STK11: variants seen among roughly 807,000 people sequenced by gnomAD.
STK11 encodes the protein serine/threonine kinase 11, also known as serine/threonine-protein kinase STK11.
Under a neutral mutation model 47.3 loss-of-function variants are expected in STK11, and 8 were observed. That is an observed-to-expected ratio of 0.17 (90% CI 0.10 to 0.31). The LOEUF (loss-of-function observed/expected upper bound fraction) is 0.31, where lower values mean the gene tolerates loss of function less well. Among genes scored for constraint, STK11 ranks in the 10% least tolerant of loss-of-function variants. The pLI is 1.00. For missense variants in STK11, 475 were observed against 605.0 expected, an observed-to-expected ratio of 0.79 and a Z score of 2.25; for synonymous variants, 330 against 255.8, an observed-to-expected ratio of 1.29 and a Z score of -2.77.
chr19:1,208,607 CTTTTTTTTTTT>C (rs71174355), intron 1 of STK11, among the ~76,000 whole-genome samples: 3 of 37,778 alleles, frequency 7.9e-5, no homozygotes, highest in Non-Finnish European at 1.3e-4. Flanking sequence ...CGCGTGCGGC[CTTTTTTTTTTT>C]TTTTTTTTTT....
intron 1 of STK11, among the ~76,000 whole-genome samples, chr19:1,212,944 T>G (rs970884848): frequency 3.3e-5 from 5 of 151,002 alleles, no homozygotes; most frequent in African/African-American, 1.2e-4. Context: ...CCTCCCAAAG[T>G]GCTGGGATTA....
At chr19:1,226,357 A>G (rs1191122003) in intron 8 of STK11, 97 bp from the exon 9 acceptor site, 3 of 1,529,170 alleles carry the variant, frequency 2.0e-6, no homozygotes, top group South Asian at 1.2e-5. Context: ...CCTGGGCAGC[A>G]GCTGTAAGTG....
chr19:1,218,333 G>T (rs990064333), intron 1 of STK11, 84 bp from the exon 2 acceptor site: 3 of 1,101,700 alleles, frequency 2.7e-6, no homozygotes, highest in Admixed American at 3.4e-5. Context: ...ACTTCCACAG[G>T]GAGATGGGGA....
chr19:1,226,074 T>A, intron 8 of STK11: 1 of 1,061,692 alleles, frequency 9.4e-7, no homozygotes, highest in Non-Finnish European at 1.1e-6. Context: ...TGGCGGCTCC[T>A]GGGCCTCTAG....
rs2145427312 is a variant in STK11, at chr19:1,221,343, G to C, written c.862+3G>C. 6.2e-7 allele frequency: 1 copy of C among 1,604,314 alleles called. No homozygotes were observed. ...CCCGCTCTCTGACCTGCTGAAAGGT[G>C]GGAGCCTCATCCCTCTGCCCGCAGC... On this transcript the variant is annotated splice_donor_region_variant and intron_variant, in intron 6 of 9. Transcript: ENST00000326873.
At chr19:1,217,412 C>G (rs2080751606) in intron 1 of STK11, among the ~76,000 whole-genome samples, 1 of 152,108 alleles carries the variant, frequency 6.6e-6, no homozygotes, top group Non-Finnish European at 1.5e-5. Flanking sequence ...GTTGCTCAGG[C>G]TGGTCTCGAA....
In STK11 at chr19:1,227,971, G is replaced by C. The variant is rs1324107989; in HGVS notation, c.*395G>C. The C allele has an allele frequency of 6.5e-6, 7 of 1,069,466 alleles. No individual in the cohort carries two copies. Among genetic ancestry groups the C allele is most frequent in the Non-Finnish European group, 7.9e-6 (7 of 881,820 alleles). The allele number at this position is 1,069,466 out of a possible 1,614,324, so 66.2% of individuals were successfully genotyped here. ...ACCAGCTGGCGGGTGTGGAGACCAG[G>C]CTCCTGACCCCGCCATGCATGCAGC... is the stretch of plus-strand genomic sequence containing the variant. On this transcript the variant is annotated 3_prime_UTR_variant, in exon 10 of 10. Coordinates refer to ENST00000326873, the MANE Select transcript of STK11 (RefSeq NM_000455.5).
chr19:1,224,574 A>C (rs1054600888), intron 8 of STK11: 1 of 985,346 alleles, frequency 1.0e-6, no homozygotes, highest in African/African-American at 1.7e-5. Context: ...TGGGACGTGG[A>C]CCACACGCTG....
At chr19:1,222,499 C>T (rs1418590850) in intron 7 of STK11, among the ~76,000 whole-genome samples, 1 of 152,208 alleles carries the variant, frequency 6.6e-6, no homozygotes, top group Non-Finnish European at 1.5e-5. Context: ...TCTGCTGGAG[C>T]CCCTCCGAGC....
chr19:1,226,297 G>T, intron 8 of STK11, 157 bp from the exon 9 acceptor site: 9 of 1,450,018 alleles, frequency 6.2e-6, no homozygotes, highest in Non-Finnish European at 8.2e-6. Context: ...CTGCTGGGGG[G>T]CAGCATTTCA....
chr19:1,226,421 C>T (rs2145435668), intron 8 of STK11, 33 bp from the exon 9 acceptor site: 2 of 1,600,228 alleles, frequency 1.2e-6, no homozygotes, highest in Non-Finnish European at 1.7e-6. Flanking sequence ...TTGCGCCCCT[C>T]AGCTCAGGCC....
At chr19:1,223,983 C>A in intron 8 of STK11, 1 of 1,008,994 alleles carries the variant, frequency 9.9e-7, no homozygotes, top group South Asian at 4.7e-5. Flanking sequence ...AAGGGGGGTA[C>A]GCCAGGCAGG....
intron 8 of STK11, chr19:1,225,117 G>T: frequency 1.0e-6 from 1 of 985,754 alleles, no homozygotes; most frequent in Non-Finnish European, 1.2e-6. Flanking sequence ...CACCAGTGCA[G>T]ACAGGAGTGT....
At chr19:1,220,212 C>T in intron 3 of STK11, 161 bp from the exon 4 acceptor site, 1 of 958,322 alleles carries the variant, frequency 1.0e-6, no homozygotes, top group East Asian at 2.8e-5. Flanking sequence ...GCAGGTGTGG[C>T]TCCCTGCTGG....
chr19:1,210,327 G>A (rs1469896127), intron 1 of STK11, among the ~76,000 whole-genome samples: 2 of 152,164 alleles, frequency 1.3e-5, no homozygotes, highest in Non-Finnish European at 2.9e-5. Flanking sequence ...AATAAACTCC[G>A]CTCAGATTGT....
chr19:1,227,500 C>T (rs2080833921), intron 9 of STK11, 93 bp from the exon 10 acceptor site: 2 of 1,056,542 alleles, frequency 1.9e-6, no homozygotes, highest in African/African-American at 3.3e-5. Flanking sequence ...AGCCCCATGA[C>T]TGTACCTCAG....
chr19:1,219,214 A>AG, intron 2 of STK11, 110 bp from the exon 3 acceptor site: 1 of 1,303,076 alleles, frequency 7.7e-7, no homozygotes, highest in Non-Finnish European at 1.1e-6. Context: ...GGTCCCGAGG[A>AG]GGGGCAAGGT....
intron 3 of STK11, chr19:1,220,163 C>A: frequency 1.7e-6 from 1 of 573,640 alleles, no homozygotes; most frequent in Non-Finnish European, 3.0e-6. Flanking sequence ...GGGGCCCTGC[C>A]AGACGTGGCT....
intron 1 of STK11, among the ~76,000 whole-genome samples, chr19:1,207,654 ATTTG>A (rs1335442442): frequency 1.3e-5 from 2 of 152,126 alleles, no homozygotes; most frequent in South Asian, 2.1e-4. Flanking sequence ...GCGAAATGTG[ATTTG>A]TTTATCCTGT....
Sources: gnomAD v4.1 joint callset for allele counts (sites outside exome capture counted in the v4.1 genomes callset) on GRCh38, gnomAD v4.1.1 for gene constraint, MANE v1.5 for transcripts, NCBI Gene and HGNC (gene_info 2026-07-23, HGNC 2026-07-21) for gene names.